Variants in ARHGAP32 observed in about 807,000 individuals in gnomAD.
ARHGAP32 encodes Rho GTPase activating protein 32.
Under a neutral mutation model 186.5 loss-of-function variants are expected in ARHGAP32, and 51 were observed. That is an observed-to-expected ratio of 0.27 (90% confidence interval 0.22 to 0.35). The LOEUF is 0.35. ARHGAP32 is among the 10% of genes least tolerant of loss of function. The probability of loss-of-function intolerance (pLI) is 1.00; values close to 1 mark genes in which losing one functional copy is unlikely to be tolerated. For synonymous variants in ARHGAP32, 950 were observed against 964.3 expected (o/e 0.99, Z 0.27); for missense variants, 2,186 against 2,623.5 (o/e 0.83, Z 3.64).
intron 1 of ARHGAP32, among the ~76,000 whole-genome samples, chr11:129,234,183 A>C (rs1170396189): frequency 6.6e-6 from 1 of 152,118 alleles, no homozygotes; most frequent in South Asian, 2.1e-4. Context: ...ATCTAACATT[A>C]AAGTTTTTAA....
At chr11:129,168,070 C>T (rs1943674890) in intron 1 of ARHGAP32, among the ~76,000 whole-genome samples, 1 of 151,920 alleles carries the variant, frequency 6.6e-6, no homozygotes, top group Non-Finnish European at 1.5e-5. Context: ...GACAGTTGGA[C>T]CCCATCTGTA....
intron 1 of ARHGAP32, among the ~76,000 whole-genome samples, chr11:129,222,686 C>T (rs185172602): frequency 1.7e-3 from 254 of 152,310 alleles, no homozygotes; most frequent in Non-Finnish European, 1.4e-3. Context: ...CTTTTTAGTA[C>T]TCTTTAAGTG....
intron 6 of ARHGAP32, among the ~76,000 whole-genome samples, chr11:129,079,203 G>A (rs1017937711): frequency 6.6e-6 from 1 of 152,174 alleles, no homozygotes; most frequent in Non-Finnish European, 1.5e-5. Flanking sequence ...GAACAGTCAA[G>A]GAAAACTTCC....
chr11:129,181,817 T>C (rs527726493), intron 1 of ARHGAP32, among the ~76,000 whole-genome samples: 1 of 152,196 alleles, frequency 6.6e-6, no homozygotes, highest in East Asian at 1.9e-4. Context: ...AAAAGGCATA[T>C]AAAGAAAAAT....
intron 1 of ARHGAP32, among the ~76,000 whole-genome samples, chr11:129,242,076 T>C (rs1945025922): frequency 6.6e-6 from 1 of 152,154 alleles, no homozygotes; most frequent in Admixed American, 6.5e-5. Context: ...TAAAATTATG[T>C]TTGCAACTTA....
intron 1 of ARHGAP32, among the ~76,000 whole-genome samples, chr11:129,206,160 AC>A (rs1440880436): frequency 6.6e-6 from 1 of 152,184 alleles, no homozygotes; most frequent in African/African-American, 2.4e-5. Context: ...TCACTCAATT[AC>A]CACAAATATC....
At chr11:129,260,798 T>C (rs1945311857) in intron 1 of ARHGAP32, among the ~76,000 whole-genome samples, 1 of 152,124 alleles carries the variant, frequency 6.6e-6, no homozygotes, top group Admixed American at 6.6e-5. Context: ...CTCCCAAAAA[T>C]ATTAGCCAAT....
chr11:128,986,691 A>T lies in ARHGAP32; in HGVS notation c.1299-23T>A, dbSNP rs201073537. 90 of 1,610,722 alleles carry T rather than the reference A, an allele frequency of 5.6e-5. 1 individual carries two copies. In the East Asian group the frequency reaches 1.7e-3, roughly 30 times the overall value. The stretch of plus-strand genomic sequence containing the variant: ...TGGCTGACGTAGACAGAAGAGGACA[A>T]GCAAATCATTTGATTGAGGAGAGCA... On this transcript the variant is annotated intron_variant, in intron 13 of 22. Coordinates refer to ENST00000682385, the MANE Select transcript of ARHGAP32 (RefSeq NM_001378024.1).
intron 1 of ARHGAP32, among the ~76,000 whole-genome samples, chr11:129,275,669 T>C (rs867395859): frequency 1.3e-5 from 2 of 152,370 alleles, no homozygotes; most frequent in South Asian, 2.1e-4. Context: ...TACTCCACTC[T>C]GCTGCTGCAC....
At chr11:128,985,325 C>T (rs1234690949) in intron 15 of ARHGAP32, among the ~76,000 whole-genome samples, 1 of 151,450 alleles carries the variant, frequency 6.6e-6, no homozygotes, top group Non-Finnish European at 1.5e-5. Context: ...GCCTATAGTG[C>T]TGATTTTTGA....
At chr11:129,099,679 A>G (rs1941834586) in intron 5 of ARHGAP32, among the ~76,000 whole-genome samples, 1 of 152,210 alleles carries the variant, frequency 6.6e-6, no homozygotes, top group African/African-American at 2.4e-5. Context: ...ACTAAACCAA[A>G]AAGTTTAGAA....
At chr11:128,980,953 T>C (rs568619491) in intron 17 of ARHGAP32, among the ~76,000 whole-genome samples, 2 of 152,318 alleles carry the variant, frequency 1.3e-5, no homozygotes, top group African/African-American at 4.8e-5. Flanking sequence ...ATAAAACCCT[T>C]TAATAACTGT....
At chr11:129,127,259 G>T (rs1942684132) in intron 2 of ARHGAP32, among the ~76,000 whole-genome samples, 1 of 152,084 alleles carries the variant, frequency 6.6e-6, no homozygotes, top group South Asian at 2.1e-4. Context: ...ATGACCCAAA[G>T]GTAAATCCAC....
At chr11:129,131,488 C>T (rs1173359302) in intron 2 of ARHGAP32, among the ~76,000 whole-genome samples, 1 of 152,036 alleles carries the variant, frequency 6.6e-6, no homozygotes, top group Non-Finnish European at 1.5e-5. Context: ...CCACAGATAT[C>T]AAAACCACCC....
rs544815613 is a variant in ARHGAP32 at position 128,986,219 on chromosome 11, G to A, written c.1444-134C>T. 1.1e-5 allele frequency: 8 copies of A among 735,226 alleles called. No individual in the cohort carries two copies. In the East Asian group the frequency reaches 1.9e-4, roughly 18 times the overall value. The allele number at this position is 735,226 out of a possible 1,614,324, so 45.5% of individuals were successfully genotyped here. ...TGAAATGGCGAGGAAACACAACATTGTATTCAGGAAGTAAACTGTTTCCAC... is the reference window on the plus strand; with the variant it reads ...TGAAATGGCGAGGAAACACAACATTATATTCAGGAAGTAAACTGTTTCCAC... On this transcript the variant is annotated intron_variant, in intron 14 of 22. Transcript: ENST00000682385.
At chr11:129,249,898 G>C (rs1023723941) in intron 1 of ARHGAP32, among the ~76,000 whole-genome samples, 2 of 152,040 alleles carry the variant, frequency 1.3e-5, no homozygotes, top group Non-Finnish European at 2.9e-5. Flanking sequence ...CTGGTTGTTT[G>C]ATGTCAATTA....
chr11:128,991,185 T>C (rs974972282), intron 12 of ARHGAP32, among the ~76,000 whole-genome samples: 2 of 152,192 alleles, frequency 1.3e-5, no homozygotes, highest in African/African-American at 4.8e-5. Flanking sequence ...TTAGAGGTCT[T>C]TTCCTGATAA....
At chr11:129,214,837 TC>T (rs1224422584) in intron 1 of ARHGAP32, among the ~76,000 whole-genome samples, 1 of 152,216 alleles carries the variant, frequency 6.6e-6, no homozygotes, top group Non-Finnish European at 1.5e-5. Flanking sequence ...CCACATGGTC[TC>T]TATCACAGCT....
intron 1 of ARHGAP32, among the ~76,000 whole-genome samples, chr11:129,188,161 G>A (rs1389045212): frequency 6.6e-6 from 1 of 151,962 alleles, no homozygotes; most frequent in Non-Finnish European, 1.5e-5. Flanking sequence ...TCACCATGTT[G>A]GCCAGGCTGA....
Sources: gnomAD v4.1 joint callset for allele counts (sites outside exome capture counted in the v4.1 genomes callset) on GRCh38, gnomAD v4.1.1 for gene constraint, MANE v1.5 for transcripts, NCBI Gene and HGNC (gene_info 2026-07-23, HGNC 2026-07-21) for gene names.